The following TRHDE variants were observed in gnomAD, a reference collection of about 807,000 sequenced individuals.
TRHDE encodes the protein thyrotropin releasing hormone degrading enzyme, also known as thyrotropin-releasing hormone-degrading ectoenzyme.
TRHDE carries 72 observed loss-of-function variants against 125.7 expected under a neutral mutation model. The ratio of observed to expected loss-of-function variants is 0.57; its 90% CI spans 0.47 to 0.70. The LOEUF (loss-of-function observed/expected upper bound fraction) is 0.70. Among genes scored for constraint, TRHDE ranks in the 30% least tolerant of loss-of-function variants. The probability of loss-of-function intolerance (pLI) is 0.00; values close to 1 mark genes in which losing one functional copy is unlikely to be tolerated. For synonymous variants in TRHDE, 509 were observed against 509.1 expected (o/e 1.00, Z 0.00); for missense variants, 1,110 against 1,327.1 (o/e 0.84, Z 2.54).
intron 4 of TRHDE, among the ~76,000 whole-genome samples, chr12:72,472,115 C>A (rs1876675875): frequency 2.0e-5 from 3 of 152,138 alleles, no homozygotes; most frequent in South Asian, 2.1e-4. Flanking sequence ...GCAGTTCCTC[C>A]CTCATTCCTG....
At chr12:72,244,780 GA>G (rs1878544290) in intron 2 of TRHDE, among the ~76,000 whole-genome samples, 1 of 151,734 alleles carries the variant, frequency 6.6e-6, no homozygotes, top group Admixed American at 6.6e-5. Flanking sequence ...TAAGTTCAGA[GA>G]AAAAAAGGAA....
intron 2 of TRHDE, among the ~76,000 whole-genome samples, chr12:72,165,971 G>A (rs531323682): frequency 8.5e-5 from 13 of 152,070 alleles, no homozygotes; most frequent in African/African-American, 2.2e-4. Flanking sequence ...CACCGCCCCC[G>A]GCCGAGAAAT....
chr12:72,596,955 A>G (rs1871966967), intron 12 of TRHDE, among the ~76,000 whole-genome samples: 2 of 152,244 alleles, frequency 1.3e-5, no homozygotes, highest in South Asian at 4.1e-4. Context: ...AAATTTAAAA[A>G]CATGCTCAGA....
intron 2 of TRHDE, among the ~76,000 whole-genome samples, chr12:72,338,692 G>A (rs1270826574): frequency 2.6e-5 from 4 of 152,102 alleles, no homozygotes; most frequent in Non-Finnish European, 5.9e-5. Context: ...ATATCAGGTC[G>A]CAGATGATGA....
intron 2 of TRHDE, among the ~76,000 whole-genome samples, chr12:72,138,836 G>C (rs1226759708): frequency 1.3e-5 from 2 of 152,292 alleles, no homozygotes; most frequent in Middle Eastern, 3.4e-3. Context: ...CTTCCCTGGT[G>C]GACATTCCCA....
chr12:72,304,302 A>G (rs1868306694), intron 2 of TRHDE, among the ~76,000 whole-genome samples: 1 of 152,154 alleles, frequency 6.6e-6, no homozygotes, highest in Admixed American at 6.6e-5. Context: ...TTTAATATCT[A>G]CTTTGTTTTC....
chr12:72,088,264 C>T (rs910802063), intron 1 of TRHDE, among the ~76,000 whole-genome samples: 3 of 151,902 alleles, frequency 2.0e-5, no homozygotes, highest in African/African-American at 4.8e-5. Context: ...ATGATAATAA[C>T]GAGGAAGACT....
rs1308779796 is a variant in TRHDE at position 72,669,385 on chromosome 12, A to C, written c.*6190A>C. 1 of 151,840 alleles carries C rather than the reference A, an allele frequency of 6.6e-6. No homozygotes were observed. Among genetic ancestry groups the C allele is most frequent in the Non-Finnish European group, 1.5e-5 (1 of 67,854 alleles). 9.4% of individuals were successfully genotyped at this position (151,840 alleles called of 1,614,324 possible). A position where few individuals can be genotyped will look rare whatever the true frequency, so the allele number is the denominator to read the frequency against. On this transcript the variant is annotated 3_prime_UTR_variant, in exon 19 of 19. Transcript: ENST00000261180. ...CTGTGTGAAGATACAGTCTAAGATA[A>C]GTGCTTTGACTTGCCTCTGCAGAGG... is the stretch of plus-strand genomic sequence containing the variant.
intron 15 of TRHDE, among the ~76,000 whole-genome samples, chr12:72,632,244 T>C (rs1873527294): frequency 6.6e-6 from 1 of 152,014 alleles, no homozygotes; most frequent in Non-Finnish European, 1.5e-5. Flanking sequence ...TCCCAATTAC[T>C]GTGATTCAGA....
intron 6 of TRHDE, among the ~76,000 whole-genome samples, chr12:72,533,907 C>T (rs1868710820): frequency 6.6e-6 from 1 of 151,960 alleles, no homozygotes; most frequent in African/African-American, 2.4e-5. Context: ...TTTTTGGTCT[C>T]ATATTATCTT....
At chr12:72,656,514 C>T (rs1329737559) in intron 17 of TRHDE, among the ~76,000 whole-genome samples, 2 of 151,970 alleles carry the variant, frequency 1.3e-5, no homozygotes, top group African/African-American at 4.8e-5. Flanking sequence ...CTGACAGTGC[C>T]CAGGTTGATC....
chr12:72,501,095 AT>A (rs1279723901), intron 6 of TRHDE, among the ~76,000 whole-genome samples: 1 of 150,994 alleles, frequency 6.6e-6, no homozygotes, highest in Non-Finnish European at 1.5e-5. Flanking sequence ...CATTTTTCAT[AT>A]TTTTTTTCAG....
intron 15 of TRHDE, among the ~76,000 whole-genome samples, chr12:72,632,558 C>T (rs1208855741): frequency 6.6e-6 from 1 of 151,832 alleles, no homozygotes; most frequent in Non-Finnish European, 1.5e-5. Flanking sequence ...TATTGGCAGC[C>T]TGCTGTTCAG....
intron 6 of TRHDE, 142 bp downstream of exon 6, chr12:72,499,777 T>C: frequency 1.1e-6 from 1 of 902,874 alleles, no homozygotes; most frequent in East Asian, 2.9e-5. Context: ...ACTAGGTTCG[T>C]GTCATTTTAT....
At position 72,438,851 on chromosome 12, in the gene TRHDE, C is replaced by T. The variant is rs202079639; in HGVS notation, c.1316-30907C>T. On this transcript the variant is annotated intron_variant, in intron 3 of 18. Coordinates refer to ENST00000261180, the MANE Select transcript of TRHDE (RefSeq NM_013381.3). ...ATGGTCACATCTAAAAAGGCATTGC[C>T]TAGACCAAGGTGTTGGAGCATTTCC... 5.9e-5 allele frequency among the ~76,000 whole-genome samples: 9 copies of T among 151,954 alleles called. No homozygotes were observed. In the East Asian group the frequency reaches 1.5e-3, roughly 26 times the overall value.
At chr12:72,636,687 T>G (rs994787266) in intron 15 of TRHDE, among the ~76,000 whole-genome samples, 2 of 152,228 alleles carry the variant, frequency 1.3e-5, no homozygotes, top group African/African-American at 4.8e-5. Context: ...CATCAATACC[T>G]AATTTATTGA....
chr12:72,481,560 CT>C (rs145153780), intron 5 of TRHDE, among the ~76,000 whole-genome samples: 2,328 of 133,982 alleles, frequency 0.017, 14 homozygotes, highest in Middle Eastern at 0.053. Context: ...TCTCTACAGT[CT>C]TTTTTTTTTT....
intron 2 of TRHDE, among the ~76,000 whole-genome samples, chr12:72,180,505 T>C (rs1245718443): frequency 6.6e-6 from 1 of 152,134 alleles, no homozygotes; most frequent in Admixed American, 6.6e-5. Context: ...CTTTTTCTTA[T>C]ATGTTTCTCA....
chr12:72,477,611 A>G (rs1430003599), intron 5 of TRHDE, among the ~76,000 whole-genome samples: 1 of 152,232 alleles, frequency 6.6e-6, no homozygotes, highest in Non-Finnish European at 1.5e-5. Context: ...GATGGCAATC[A>G]TATTAAATCT....
Sources: allele counts gnomAD v4.1 joint callset (sites outside exome capture counted in the v4.1 genomes callset), GRCh38; gene constraint gnomAD v4.1.1; transcripts MANE v1.5; gene names NCBI Gene and HGNC (gene_info 2026-07-23, HGNC 2026-07-21).